CD44: variants seen among roughly 807,000 people sequenced by gnomAD.
CD44 encodes CD44 antigen.
CD44 carries 49 observed loss-of-function variants against 88.8 expected under a neutral mutation model. That is an observed-to-expected ratio of 0.55 (90% CI 0.44 to 0.70). The LOEUF (loss-of-function observed/expected upper bound fraction) is 0.70, where lower values mean the gene tolerates loss of function less well. Ranked by LOEUF, CD44 falls within the 30% of genes least tolerant of loss-of-function variation. The pLI is 0.00. For synonymous variants in CD44, 325 were observed against 312.3 expected (o/e 1.04, Z -0.43); for missense variants, 883 against 913.8 (o/e 0.97, Z 0.43).
In CD44 at chr11:35,196,859, A is replaced by G; in HGVS notation, c.781A>G (p.Thr261Ala). 1 of 1,613,526 alleles carries G rather than the reference A, an allele frequency of 6.2e-7. No individual in the cohort carries two copies. The highest frequency in any genetic ancestry group is 8.5e-7 in the Non-Finnish European group (1 of 1,179,622). ...AGAGTCAAAGAATCATCTTCACACAACAACACAAATGGCTGGTAATGAGTT... is the reference window on the plus strand; with the variant it reads ...AGAGTCAAAGAATCATCTTCACACAGCAACACAAATGGCTGGTAATGAGTT... The part of the protein sequence containing the change: ...PSESKNHLHT[T>A]TQMAGTSSNT... Residue 261 changes from threonine (T) to alanine (A), a missense_variant, in exon 6 of 18, where the codon ACA becomes GCA. Thr to Ala is a moderately conservative substitution (Grantham distance 58). Transcript: ENST00000428726.
chr11:35,147,147 A>C (rs1002045933), intron 1 of CD44, among the ~76,000 whole-genome samples: 1 of 152,228 alleles, frequency 6.6e-6, no homozygotes, highest in Admixed American at 6.5e-5. Context: ...TGAAAGGTAA[A>C]GGTGGCTGAT....
At chr11:35,163,008 C>T (rs1332412006) in intron 1 of CD44, among the ~76,000 whole-genome samples, 11 of 152,090 alleles carry the variant, frequency 7.2e-5, no homozygotes, top group Non-Finnish European at 5.9e-5. Context: ...ATTTCTGAGT[C>T]CTCTGACTTT....
In CD44 at chr11:35,204,745, G is replaced by T. The variant is rs1171442793; in HGVS notation, c.1282+105G>T. The T allele has an allele frequency of 1.3e-5, 13 of 1,019,458 alleles. No homozygotes were observed. The East Asian group carries it at 2.3e-4, about 18-fold the overall frequency. 63.2% of individuals were successfully genotyped at this position (1,019,458 alleles called of 1,614,324 possible). On this transcript the variant is annotated intron_variant, in intron 10 of 17. Coordinates refer to ENST00000428726, the MANE Select transcript of CD44 (RefSeq NM_000610.4). ...AAGGACACTGGAGGAATTGTCACGA[G>T]ATGTTAGGTTACTTAATAAATTATG... is the stretch of plus-strand genomic sequence containing the variant.
At chr11:35,164,234 C>T (rs966164057) in intron 1 of CD44, among the ~76,000 whole-genome samples, 17 of 152,036 alleles carry the variant, frequency 1.1e-4, no homozygotes, top group African/African-American at 4.1e-4. Flanking sequence ...TCTTAGCTAA[C>T]TCATGTCAGA....
chr11:35,212,189 C>A (rs1948454979), intron 14 of CD44, among the ~76,000 whole-genome samples: 1 of 151,812 alleles, frequency 6.6e-6, no homozygotes, highest in Non-Finnish European at 1.5e-5. Flanking sequence ...AAGAAATTAA[C>A]AGTGAAGAAA....
intron 1 of CD44, among the ~76,000 whole-genome samples, chr11:35,156,805 G>A (rs188693087): frequency 4.9e-4 from 74 of 152,338 alleles, no homozygotes; most frequent in African/African-American, 1.7e-3. Context: ...TGAGGCAAAA[G>A]ACTTACTTTG....
intron 2 of CD44, among the ~76,000 whole-genome samples, chr11:35,179,934 T>C (rs192565890): frequency 1.3e-4 from 20 of 152,256 alleles, no homozygotes; most frequent in Admixed American, 1.3e-3. Context: ...CATCAAAACT[T>C]CTCTCTTCTG....
chr11:35,142,373 T>C (rs1292117405), intron 1 of CD44, among the ~76,000 whole-genome samples: 1 of 152,154 alleles, frequency 6.6e-6, no homozygotes, highest in African/African-American at 2.4e-5. Flanking sequence ...TGTGGCATTA[T>C]TCACAATAGC....
chr11:35,140,088 A>T (rs916768138), intron 1 of CD44, among the ~76,000 whole-genome samples: 3 of 152,226 alleles, frequency 2.0e-5, no homozygotes, highest in Non-Finnish European at 4.4e-5. Context: ...TGCTTCTGCC[A>T]ATCAGTGTGG....
At position 35,196,801 on chromosome 11, in the gene CD44, C is replaced by T; in HGVS notation, c.723C>T (p.Thr241=). ...ATETATKRQE[T]WDWFSWLFLP... ...AGACAGCAACCAAGAGGCAAGAAAC[C>T]TGGGATTGGTTTTCATGGTTGTTTC... The change falls in exon 6 of 18, where the codon ACC becomes ACT. Residue 241 remains threonine, a synonymous_variant. Coordinates refer to ENST00000428726, the MANE Select transcript of CD44 (RefSeq NM_000610.4). The T allele has an allele frequency of 6.2e-7, 1 of 1,613,718 alleles. No homozygotes were observed. Among genetic ancestry groups the T allele is most frequent in the Non-Finnish European group, 8.5e-7 (1 of 1,179,716 alleles).
chr11:35,172,338 C>T (rs901345604), intron 1 of CD44, among the ~76,000 whole-genome samples: 1 of 152,184 alleles, frequency 6.6e-6, no homozygotes, highest in African/African-American at 2.4e-5. Context: ...CCATTGAAAG[C>T]TCAGCTCTTG....
chr11:35,176,728 T>C lies in CD44; in HGVS notation c.221T>C (p.Phe74Ser). ...AQMEKALSIG[F>S]ETCRYGFIEG... ...ATGGAGAAAGCTCTGAGCATCGGAT[T>C]TGAGACCTGCAGGTAAGAGACCAGC... The change falls in exon 2 of 18, where the codon TTT (phenylalanine) becomes TCT (serine). Residue 74 changes from phenylalanine to serine, a missense_variant. This residue lies in a region of CD44 where 252 missense variants were observed against 322.9 expected (regional missense o/e 0.78). Transcript: ENST00000428726. 6.2e-7 allele frequency: 1 copy of C among 1,613,870 alleles called. No homozygotes were observed. The highest frequency in any genetic ancestry group is 8.5e-7 in the Non-Finnish European group (1 of 1,179,908).
chr11:35,218,570 G>T (rs570744612), intron 15 of CD44, among the ~76,000 whole-genome samples: 4 of 151,970 alleles, frequency 2.6e-5, no homozygotes, highest in Admixed American at 6.5e-5. Flanking sequence ...CTTGTGATCC[G>T]CCTGCTTCAG....
chr11:35,180,086 CTTG>C (rs1245563176), intron 2 of CD44, among the ~76,000 whole-genome samples, 185 bp from the exon 3 acceptor site: 1 of 151,964 alleles, frequency 6.6e-6, no homozygotes, highest in Non-Finnish European at 1.5e-5. Context: ...TTCTATCAGT[CTTG>C]TTGATCTCTT....
chr11:35,139,980 C>A (rs560010306), intron 1 of CD44, among the ~76,000 whole-genome samples: 6 of 152,348 alleles, frequency 3.9e-5, no homozygotes, highest in South Asian at 2.1e-4. Flanking sequence ...ACCAGCTCTG[C>A]GGTGAGGTCT....
intron 1 of CD44, among the ~76,000 whole-genome samples, chr11:35,148,249 C>G (rs965446476): frequency 1.3e-5 from 2 of 152,196 alleles, no homozygotes; most frequent in Non-Finnish European, 2.9e-5. Context: ...CAGATGTTGC[C>G]TCTGCTGAGT....
rs1946813899 is a variant in CD44 at position 35,196,893 on chromosome 11, C to G, written c.796+19C>G. The G allele has an allele frequency of 4.3e-6, 7 of 1,610,434 alleles. No individual in the cohort carries two copies. Among genetic ancestry groups the G allele is most frequent in the Non-Finnish European group, 5.1e-6 (6 of 1,177,442 alleles). ...ATGGCTGGTAATGAGTTATTATTAT[C>G]TCATAGCGTATGTTTTCTTGACAGC... is the stretch of plus-strand genomic sequence containing the variant. On this transcript the variant is annotated intron_variant, in intron 6 of 17. Transcript: ENST00000428726.
intron 17 of CD44, chr11:35,222,771 G>A: frequency 2.0e-6 from 2 of 983,814 alleles, no homozygotes; most frequent in Non-Finnish European, 2.4e-6. Flanking sequence ...TAATTCATAG[G>A]AATATTAAGC....
In CD44 at chr11:35,222,596, A is replaced by AT. The variant is rs1303148542; in HGVS notation, c.2024+865dup. The AT allele has an allele frequency of 5.3e-5, 35 of 664,434 alleles. No homozygotes were observed. In the African/African-American group the frequency reaches 7.3e-4, roughly 14 times the overall value. 41.2% of individuals were successfully genotyped at this position (664,434 alleles called of 1,614,324 possible). On this transcript the variant is annotated intron_variant, in intron 17 of 17. Coordinates refer to ENST00000428726, the MANE Select transcript of CD44 (RefSeq NM_000610.4). The stretch of plus-strand genomic sequence containing the variant: ...TTTACATGTTATTTACATTTTATAT[A>AT]TAATATATATATATATATATACACA...
Sources: gnomAD v4.1 joint callset for allele counts (sites outside exome capture counted in the v4.1 genomes callset) on GRCh38, gnomAD v4.1.1 for gene constraint, gnomAD v4.1.1 regional missense constraint, MANE v1.5 for transcripts, NCBI Gene and HGNC (gene_info 2026-07-23, HGNC 2026-07-21) for gene names.